The following RALYL variants were observed in gnomAD, a reference collection of about 807,000 sequenced individuals.
RALYL encodes RNA-binding Raly-like protein.
A neutral mutation model predicts 35.1 loss-of-function variants in RALYL; 29 were observed. That is an observed-to-expected ratio of 0.83 (90% CI 0.61 to 1.13). The LOEUF (loss-of-function observed/expected upper bound fraction) is 1.13, where lower values mean the gene tolerates loss of function less well. Ranked by LOEUF, RALYL falls within the 50% of genes most tolerant of loss-of-function variation. The pLI is 0.00. For missense variants in RALYL, 359 were observed against 360.4 expected (o/e 1.00, Z 0.03); for synonymous variants, 120 against 127.6 (o/e 0.94, Z 0.40).
At chr8:84,384,848 A>G (rs1029449480) in intron 1 of RALYL, among the ~76,000 whole-genome samples, 17 of 151,806 alleles carry the variant, frequency 1.1e-4, no homozygotes, top group African/African-American at 3.4e-4. Context: ...AGAGCTTGGT[A>G]CCAACCACAT....
At chr8:84,302,173 T>C (rs1337341902) in intron 1 of RALYL, among the ~76,000 whole-genome samples, 1 of 152,162 alleles carries the variant, frequency 6.6e-6, no homozygotes, top group Non-Finnish European at 1.5e-5. Flanking sequence ...TTCCTCAATG[T>C]AGGGATTATC....
At chr8:84,830,138 G>T (rs918875666) in intron 4 of RALYL, among the ~76,000 whole-genome samples, 4 of 151,758 alleles carry the variant, frequency 2.6e-5, no homozygotes, top group African/African-American at 9.7e-5. Context: ...AAACAAAGAG[G>T]CAGTGTCACC....
chr8:84,766,411 C>T (rs547347587), intron 2 of RALYL, among the ~76,000 whole-genome samples: 120 of 151,822 alleles, frequency 7.9e-4, no homozygotes, highest in African/African-American at 2.8e-3. Context: ...TAACATCTCC[C>T]AGCCAGGCGT....
chr8:84,905,130 T>C (rs982615247), intron 8 of RALYL, among the ~76,000 whole-genome samples: 4 of 152,190 alleles, frequency 2.6e-5, no homozygotes, highest in African/African-American at 9.6e-5. Context: ...ACCATTTCAC[T>C]CTTTGATTCT....
At chr8:84,835,702 A>G (rs945283659) in intron 4 of RALYL, among the ~76,000 whole-genome samples, 13 of 151,592 alleles carry the variant, frequency 8.6e-5, no homozygotes, top group Admixed American at 8.5e-4. Flanking sequence ...AAAAAAAAAA[A>G]AAATGGACAT....
intron 4 of RALYL, 116 bp downstream of exon 4, chr8:84,804,918 C>A: frequency 4.3e-6 from 2 of 469,900 alleles, no homozygotes; most frequent in Non-Finnish European, 6.3e-6. Context: ...CATATCAGTG[C>A]ATGCAACATT....
At chr8:84,373,640 G>A (rs1023215794) in intron 1 of RALYL, among the ~76,000 whole-genome samples, 3 of 151,972 alleles carry the variant, frequency 2.0e-5, no homozygotes, top group Admixed American at 6.6e-5. Context: ...ATAGTTTGAC[G>A]TCAGGTAGCG....
intron 1 of RALYL, among the ~76,000 whole-genome samples, chr8:84,327,635 G>A (rs1422322706): frequency 1.3e-5 from 2 of 151,762 alleles, no homozygotes; most frequent in Non-Finnish European, 2.9e-5. Context: ...GACGGAGGTG[G>A]TATGACCCAC....
At chr8:84,277,892 C>T (rs2132038187) in intron 1 of RALYL, among the ~76,000 whole-genome samples, 1 of 152,330 alleles carries the variant, frequency 6.6e-6, no homozygotes, top group South Asian at 2.1e-4. Flanking sequence ...TGGCTGCTTT[C>T]ATGGGCTGGC....
chr8:84,726,863 G>A (rs1162042636), intron 2 of RALYL, among the ~76,000 whole-genome samples: 4 of 151,968 alleles, frequency 2.6e-5, no homozygotes, highest in African/African-American at 4.8e-5. Flanking sequence ...AAATAAGGGC[G>A]ATCCCCATCC....
rs757937390 is a variant in RALYL at position 84,529,585 on chromosome 8, A to G, written c.256+8A>G. The G allele has an allele frequency of 2.4e-5, 38 of 1,603,580 alleles. No homozygotes were observed. In the Admixed American group the frequency reaches 2.7e-4, roughly 11 times the overall value. ...TCGCCGGCCAACCACTTGGTAAGTCATGCTCAGACATGGATCTCACGTTAT... is the reference window on the plus strand; with the variant it reads ...TCGCCGGCCAACCACTTGGTAAGTCGTGCTCAGACATGGATCTCACGTTAT... On this transcript the variant is annotated splice_region_variant and intron_variant, in intron 2 of 8. Transcript: ENST00000521268.
intron 2 of RALYL, among the ~76,000 whole-genome samples, chr8:84,573,400 A>G (rs1808510823): frequency 6.6e-6 from 1 of 151,674 alleles, no homozygotes; most frequent in Admixed American, 6.6e-5. Context: ...TTCTGACTTA[A>G]TTTTTGATGA....
intron 2 of RALYL, among the ~76,000 whole-genome samples, chr8:84,689,862 A>T (rs1050210249): frequency 5.9e-5 from 9 of 152,044 alleles, no homozygotes; most frequent in Non-Finnish European, 1.2e-4. Context: ...GCTTTTTGGA[A>T]TGACTATTTT....
intron 1 of RALYL, among the ~76,000 whole-genome samples, chr8:84,441,945 CA>C (rs2132980944): frequency 6.6e-6 from 1 of 152,176 alleles, no homozygotes; most frequent in Admixed American, 6.6e-5. Flanking sequence ...CCCACAGCCA[CA>C]TATAGGTATA....
chr8:84,400,052 G>A (rs1052535424), intron 1 of RALYL, among the ~76,000 whole-genome samples: 1 of 152,130 alleles, frequency 6.6e-6, no homozygotes, highest in Non-Finnish European at 1.5e-5. Context: ...AGAGGCAGAG[G>A]TTGCAGTGAG....
intron 1 of RALYL, among the ~76,000 whole-genome samples, chr8:84,236,773 CT>C (rs1343085633): frequency 6.6e-6 from 1 of 151,908 alleles, no homozygotes; most frequent in African/African-American, 2.4e-5. Flanking sequence ...GAAGTGACAC[CT>C]AATAAAAATG....
chr8:84,878,212 A>T (rs910380987), intron 7 of RALYL, among the ~76,000 whole-genome samples: 2 of 152,196 alleles, frequency 1.3e-5, no homozygotes, highest in African/African-American at 4.8e-5. Flanking sequence ...AGTGGGTCTC[A>T]GGGCTGGTAG....
chr8:84,804,542 A>G (rs941658779), intron 3 of RALYL, among the ~76,000 whole-genome samples: 1 of 152,168 alleles, frequency 6.6e-6, no homozygotes, highest in African/African-American at 2.4e-5. Context: ...GTTAAATGTT[A>G]TGTCCTCATT....
At chr8:84,822,167 T>C (rs1828681218) in intron 4 of RALYL, among the ~76,000 whole-genome samples, 1 of 152,180 alleles carries the variant, frequency 6.6e-6, no homozygotes, top group Non-Finnish European at 1.5e-5. Flanking sequence ...GTGTATATTA[T>C]AGCCCAATTG....
Sources: allele counts gnomAD v4.1 joint callset (sites outside exome capture counted in the v4.1 genomes callset), GRCh38; gene constraint gnomAD v4.1.1; transcripts MANE v1.5; gene names NCBI Gene and HGNC (gene_info 2026-07-23, HGNC 2026-07-21).